Variants in ZNF880 observed in about 807,000 individuals in gnomAD.
ZNF880 encodes zinc finger protein LOC400713.
Under a neutral mutation model 11.8 loss-of-function variants are expected in ZNF880, and 12 were observed. That is an observed-to-expected ratio of 1.02 (90% CI 0.65 to 1.65). The LOEUF (loss-of-function observed/expected upper bound fraction) is 1.65. Among genes scored for constraint, ZNF880 ranks in the 40% most tolerant of loss-of-function variants. ZNF880 has a pLI of 0.00. For missense variants in ZNF880, 601 were observed against 673.9 expected (o/e 0.89, Z 1.20); for synonymous variants, 210 against 232.4 (o/e 0.90, Z 0.88).
chr19:52,383,369 G>T (rs902772212), intron 3 of ZNF880, among the ~76,000 whole-genome samples: 3 of 152,212 alleles, frequency 2.0e-5, no homozygotes, highest in South Asian at 2.1e-4. Flanking sequence ...GTAATTTTTG[G>T]TTTAGGTTTG....
chr19:52,389,628 T>G (rs1041185359), downstream of ZNF880: 6 of 152,296 alleles, frequency 3.9e-5, no homozygotes, highest in Non-Finnish European at 7.3e-5. Context: ...AGGCACATGG[T>G]GCAAGCTGTC....
chr19:52,376,619 C>T (rs977461064), intron 3 of ZNF880, among the ~76,000 whole-genome samples: 9 of 148,314 alleles, frequency 6.1e-5, no homozygotes, highest in African/African-American at 2.2e-4. Context: ...AAGCAATTCT[C>T]CTGCCTCAGC....
At chr19:52,388,673 G>T (rs1053745558), downstream of ZNF880, among the ~76,000 whole-genome samples, 1 of 152,014 alleles carries the variant, frequency 6.6e-6, no homozygotes, top group Non-Finnish European at 1.5e-5. Context: ...CACTGATATG[G>T]TCTGCAAATG....
intron 2 of ZNF880, 43 bp downstream of exon 2, chr19:52,373,280 T>C (rs1228093013): frequency 6.3e-7 from 1 of 1,575,330 alleles, no homozygotes; most frequent in African/African-American, 1.4e-5. Context: ...TGCCCTGGTG[T>C]ATTTTTGCAT....
chr19:52,378,383 G>A (rs903764753), intron 3 of ZNF880, among the ~76,000 whole-genome samples: 2 of 152,024 alleles, frequency 1.3e-5, no homozygotes, highest in African/African-American at 2.4e-5. Flanking sequence ...GGTGTCTCAC[G>A]CCTGTAATCC....
intron 3 of ZNF880, chr19:52,379,367 T>G (rs991820652): frequency 4.7e-6 from 2 of 425,352 alleles, no homozygotes. Flanking sequence ...TTACGTTTAT[T>G]AGAATGTATA....
downstream of ZNF880, chr19:52,390,255 G>A (rs1272213003): frequency 3.3e-6 from 1 of 298,584 alleles, no homozygotes; most frequent in Non-Finnish European, 7.0e-6. Flanking sequence ...CTCACCGCAA[G>A]GTTGATTCCC....
At chr19:52,394,055 A>T in the ZNF880 span, among the ~76,000 whole-genome samples, 1 of 151,430 alleles carries the variant, frequency 6.6e-6, no homozygotes, top group African/African-American at 2.4e-5. Flanking sequence ...TAGCCAGGAT[A>T]GTCTCGATCT....
At chr19:52,393,520 T>C in the ZNF880 span, among the ~76,000 whole-genome samples, 67 of 152,260 alleles carry the variant, frequency 4.4e-4, no homozygotes, top group Admixed American at 1.2e-3. Flanking sequence ...ATTAGAAGAC[T>C]TGAAATCACA....
chr19:52,368,199 C>T (rs1321136800), upstream of ZNF880, among the ~76,000 whole-genome samples: 9 of 76,850 alleles, frequency 1.2e-4, no homozygotes, highest in South Asian at 4.5e-4. Context: ...AGCAAGGCTC[C>T]GTCTCAAAAA....
intron 3 of ZNF880, among the ~76,000 whole-genome samples, chr19:52,375,959 T>A (rs1392483430): frequency 1.3e-5 from 2 of 152,234 alleles, no homozygotes; most frequent in Non-Finnish European, 2.9e-5. Flanking sequence ...TTTAGAATAA[T>A]GGCCTTCAAT....
intron 3 of ZNF880, among the ~76,000 whole-genome samples, chr19:52,383,070 T>G (rs1368836546): frequency 6.6e-6 from 1 of 152,216 alleles, no homozygotes; most frequent in African/African-American, 2.4e-5. Flanking sequence ...GTTGAATCCC[T>G]TAGTGAAATA....
Position 52,385,040 on chromosome 19 carries a change from C to G in ZNF880, c.1460C>G (p.Thr487Ser), listed in dbSNP as rs777211693. 52 of 1,569,468 alleles carry G rather than the reference C, an allele frequency of 3.3e-5. No individual in the cohort carries two copies. Among genetic ancestry groups the G allele is most frequent in the Non-Finnish European group, 4.1e-5 (48 of 1,156,894 alleles). ...CTTGCAAATCATCACAGAATCCATA[C>G]TGGAGAGAAACCTTACAAATGCAGT... ...SNLANHHRIH[T>S]GEKPYKCSEC... The change falls in exon 4 of 4, where the codon ACT (threonine) becomes AGT (serine). Residue 487 changes from threonine (T) to serine (S), a missense_variant. Thr to Ser is a moderately conservative substitution (Grantham distance 58, BLOSUM62 1). Coordinates refer to ENST00000422689, the MANE Select transcript of ZNF880 (RefSeq NM_001145434.2).
intron 3 of ZNF880, among the ~76,000 whole-genome samples, chr19:52,382,190 T>C (rs2122398007): frequency 6.6e-6 from 1 of 152,068 alleles, no homozygotes; most frequent in Non-Finnish European, 1.5e-5. Context: ...GGTGGGAGAA[T>C]TGTTTGAGCT....
chr19:52,381,332 C>A (rs1425104313), intron 3 of ZNF880, among the ~76,000 whole-genome samples: 1 of 152,152 alleles, frequency 6.6e-6, no homozygotes, highest in African/African-American at 2.4e-5. Flanking sequence ...AGTCTTTCAT[C>A]ATTTTATAAT....
chr19:52,372,045 T>C lies in ZNF880; in HGVS notation c.13-1066T>C, dbSNP rs1490623951. Among the ~76,000 whole-genome samples the C allele has an allele frequency of 4.0e-5, 6 of 151,600 alleles. No homozygotes were observed. In the East Asian group the frequency reaches 1.0e-3, roughly 26 times the overall value. ...CTCTACTAAAAATAGAAAAATTAGC[T>C]GGGCACAGTGGTGGGTGCCTGTAGT... is the stretch of plus-strand genomic sequence containing the variant. On this transcript the variant is annotated intron_variant, in intron 1 of 3. Transcript: ENST00000422689.
rs1986861382 is a variant in ZNF880, at chr19:52,385,582, A to G, written c.*268A>G. 3 of 329,000 alleles carry G rather than the reference A, an allele frequency of 9.1e-6. 1 individual carries two copies. In the African/African-American group the frequency reaches 1.0e-4, roughly 11 times the overall value. 20.4% of individuals were successfully genotyped at this position (329,000 alleles called of 1,614,324 possible). On this transcript the variant is annotated 3_prime_UTR_variant, in exon 4 of 4. Coordinates refer to ENST00000422689, the MANE Select transcript of ZNF880 (RefSeq NM_001145434.2). The stretch of plus-strand genomic sequence containing the variant: ...TTATGTATGCTGAGGCTATTATTCA[A>G]GGACCATTACTATGGAACATGATAA...
chr19:52,374,278 A>G (rs1367719735), intron 2 of ZNF880, 21 bp from the exon 3 acceptor site: 2 of 1,601,060 alleles, frequency 1.2e-6, no homozygotes, highest in African/African-American at 2.7e-5. Context: ...TAGTCTTGAT[A>G]TTCTTTCTTT....
intron 3 of ZNF880, among the ~76,000 whole-genome samples, chr19:52,377,917 C>T (rs1986601080): frequency 6.6e-6 from 1 of 152,266 alleles, no homozygotes; most frequent in Non-Finnish European, 1.5e-5. Context: ...ACAATCTCAG[C>T]TCACTGCAAT....
Sources: allele counts gnomAD v4.1 joint callset (sites outside exome capture counted in the v4.1 genomes callset), GRCh38; gene constraint gnomAD v4.1.1; transcripts MANE v1.5; gene names NCBI Gene and HGNC (gene_info 2026-07-23, HGNC 2026-07-21).